The following MYT1L variants were observed in gnomAD, a reference collection of about 807,000 sequenced individuals.
MYT1L encodes myelin transcription factor 1-like protein.
A neutral mutation model predicts 126.7 loss-of-function variants in MYT1L; 12 were observed. The observed-to-expected ratio is 0.09, with a 90% CI of 0.06 to 0.15. MYT1L has a LOEUF of 0.15. Ranked by LOEUF, MYT1L falls within the 10% of genes least tolerant of loss-of-function variation. The pLI is 1.00. For missense variants in MYT1L, 979 were observed against 1,585.2 expected (o/e 0.62, Z 6.49); for synonymous variants, 541 against 604.2 (o/e 0.90, Z 1.53).
At chr2:1,963,078 T>C in intron 8 of MYT1L, among the ~76,000 whole-genome samples, 1 of 152,226 alleles carries the variant, frequency 6.6e-6, no homozygotes, top group East Asian at 1.9e-4. Flanking sequence ...GTTTCTTAAA[T>C]AATAAGGCTC....
intron 13 of MYT1L, among the ~76,000 whole-genome samples, chr2:1,909,621 G>T (rs115078190): frequency 1.3e-5 from 2 of 152,136 alleles, no homozygotes; most frequent in Non-Finnish European, 2.9e-5. Flanking sequence ...GGTTTCAGCC[G>T]GATGATCTGC....
At chr2:1,823,548 G>C (rs1444720131) in intron 21 of MYT1L, among the ~76,000 whole-genome samples, 1 of 152,218 alleles carries the variant, frequency 6.6e-6, no homozygotes, top group Non-Finnish European at 1.5e-5. Flanking sequence ...GGCGGGGCTT[G>C]GGTCAGGCTC....
At chr2:1,901,128 C>A (rs946666883) in intron 14 of MYT1L, among the ~76,000 whole-genome samples, 1 of 152,186 alleles carries the variant, frequency 6.6e-6, no homozygotes, top group African/African-American at 2.4e-5. Flanking sequence ...GATTTGACTT[C>A]GGGTGCCCTA....
At chr2:2,261,135 G>A (rs1472123073) in intron 2 of MYT1L, among the ~76,000 whole-genome samples, 5 of 131,590 alleles carry the variant, frequency 3.8e-5, no homozygotes, top group Non-Finnish European at 8.1e-5. Flanking sequence ...GCATGTGTGT[G>A]TGAGTGCGTG....
At chr2:2,074,214 T>A (rs1307319333) in intron 3 of MYT1L, among the ~76,000 whole-genome samples, 1 of 152,234 alleles carries the variant, frequency 6.6e-6, no homozygotes, top group African/African-American at 2.4e-5. Flanking sequence ...CAGTTAAAGA[T>A]CCTTTTTCTA....
intron 13 of MYT1L, among the ~76,000 whole-genome samples, chr2:1,903,533 C>G (rs970854110): frequency 6.6e-6 from 1 of 152,084 alleles, no homozygotes; most frequent in Non-Finnish European, 1.5e-5. Context: ...GAAATAAAAT[C>G]TTTAAATATG....
At chr2:2,186,652 G>A (rs2092231328) in intron 2 of MYT1L, among the ~76,000 whole-genome samples, 1 of 152,142 alleles carries the variant, frequency 6.6e-6, no homozygotes, top group Non-Finnish European at 1.5e-5. Flanking sequence ...AGTAAATAAG[G>A]ATCCTTGGGT....
intron 2 of MYT1L, among the ~76,000 whole-genome samples, chr2:2,220,909 G>A (rs558333393): frequency 2.0e-5 from 3 of 152,136 alleles, no homozygotes; most frequent in Non-Finnish European, 4.4e-5. Context: ...TATTGATGGT[G>A]ATGATTTGAA....
chr2:1,805,441 CT>C (rs1479041330), intron 22 of MYT1L, among the ~76,000 whole-genome samples: 1 of 152,290 alleles, frequency 6.6e-6, no homozygotes, highest in East Asian at 1.9e-4. Flanking sequence ...CCAGGAAAGG[CT>C]TTACACTCAG....
intron 5 of MYT1L, among the ~76,000 whole-genome samples, chr2:1,992,064 G>A (rs1040082239): frequency 4.6e-5 from 7 of 152,006 alleles, no homozygotes; most frequent in African/African-American, 1.2e-4. Flanking sequence ...CCTTAACCAC[G>A]CCCCTAATTC....
At chr2:1,951,111 T>C (rs1218643534) in intron 8 of MYT1L, among the ~76,000 whole-genome samples, 1 of 152,046 alleles carries the variant, frequency 6.6e-6, no homozygotes, top group Non-Finnish European at 1.5e-5. Flanking sequence ...TGATTCTCTA[T>C]AATCTCTTCT....
chr2:2,183,940 G>A (rs1167462831), intron 2 of MYT1L, among the ~76,000 whole-genome samples: 1 of 135,076 alleles, frequency 7.4e-6, no homozygotes, highest in South Asian at 2.6e-4. Context: ...AAGAAAAAAG[G>A]AAGGAAGGAA....
At chr2:2,159,469 G>A (rs562063051) in intron 3 of MYT1L, among the ~76,000 whole-genome samples, 6 of 152,228 alleles carry the variant, frequency 3.9e-5, no homozygotes, top group African/African-American at 7.2e-5. Context: ...CACACCAGGT[G>A]TGGTGTGGGA....
At chr2:1,874,315 G>A (rs2046620206) in intron 18 of MYT1L, among the ~76,000 whole-genome samples, 1 of 151,926 alleles carries the variant, frequency 6.6e-6, no homozygotes, top group South Asian at 2.1e-4. Context: ...GGCACGGAAG[G>A]TCACCTGCTT....
intron 21 of MYT1L, among the ~76,000 whole-genome samples, chr2:1,830,109 G>C (rs1341695012): frequency 6.6e-6 from 1 of 152,170 alleles, no homozygotes; most frequent in Non-Finnish European, 1.5e-5. Context: ...GGTAGAAAGA[G>C]AAGGGACAGT....
intron 9 of MYT1L, among the ~76,000 whole-genome samples, chr2:1,933,492 C>T (rs556653991): frequency 2.6e-5 from 4 of 152,144 alleles, no homozygotes; most frequent in African/African-American, 4.8e-5. Context: ...TGAATTCTTC[C>T]GAAGACTGAA....
rs1189100715 is a variant in MYT1L at position 1,790,218 on chromosome 2, T to TC, written c.*1648_*1649insG. The TC allele has an allele frequency of 5.5e-5, 1 of 18,088 alleles. No homozygotes were observed. 1.1% of individuals were successfully genotyped at this position (18,088 alleles called of 1,614,324 possible). A position where few individuals can be genotyped will look rare whatever the true frequency, so the allele number is the denominator to read the frequency against. On this transcript the variant is annotated 3_prime_UTR_variant, in exon 25 of 25. Transcript: ENST00000647738. ...GTAAGTCCTGTTCTGCTAAAAATAT[T>TC]TTTTTTTTATTTTTACAAAACCCAT...
chr2:1,877,872 G>T (rs2047114139), intron 18 of MYT1L, among the ~76,000 whole-genome samples: 1 of 152,138 alleles, frequency 6.6e-6, no homozygotes, highest in Non-Finnish European at 1.5e-5. Flanking sequence ...GAAGTGCTGG[G>T]GTCCCCCTCC....
At chr2:2,004,941 TGCGTTCTTTCCTGCATGC>T (rs2063039653) in intron 4 of MYT1L, among the ~76,000 whole-genome samples, 1 of 144,956 alleles carries the variant, frequency 6.9e-6, no homozygotes, top group African/African-American at 2.7e-5. Flanking sequence ...CTTTCCTGCA[TGCGTTCTTTCCTGCATGC>T]GTTCTTTCCT....
Sources: gnomAD v4.1 joint callset for allele counts (sites outside exome capture counted in the v4.1 genomes callset) on GRCh38, gnomAD v4.1.1 for gene constraint, MANE v1.5 for transcripts, NCBI Gene and HGNC (gene_info 2026-07-23, HGNC 2026-07-21) for gene names.